The following AKIRIN2 variants were observed in gnomAD, a reference collection of about 807,000 sequenced individuals.
AKIRIN2 encodes the protein akirin 2.
In AKIRIN2, 6 loss-of-function variants were observed where a neutral mutation model predicts 29.3. The observed-to-expected ratio is 0.20, with a 90% CI of 0.11 to 0.40. AKIRIN2 has a LOEUF of 0.40. AKIRIN2 is among the 10% of genes least tolerant of loss of function. AKIRIN2 has a pLI of 1.00. For missense variants in AKIRIN2, 210 were observed against 276.1 expected (o/e 0.76, Z 1.70); for synonymous variants, 128 against 117.5 (o/e 1.09, Z -0.58).
At position 87,702,147 on chromosome 6, in the gene AKIRIN2, G is replaced by A; in HGVS notation, c.-463C>T. On this transcript the variant is annotated 5_prime_UTR_variant, in exon 1 of 5. Transcript: ENST00000257787. Reference sequence around the variant, plus strand: ...GTACGGTCAGTAGCTTGCGAGCGGCGATCGATGCAGAGAGATTGCGAGGTA... The same window carrying A: ...GTACGGTCAGTAGCTTGCGAGCGGCAATCGATGCAGAGAGATTGCGAGGTA... The A allele has an allele frequency of 2.5e-6, 1 of 398,810 alleles. No individual in the cohort carries two copies. The highest frequency in any genetic ancestry group is 4.4e-6 in the Non-Finnish European group (1 of 226,082). 24.7% of individuals were successfully genotyped at this position (398,810 alleles called of 1,614,324 possible). A position where few individuals can be genotyped will look rare whatever the true frequency, so the allele number is the denominator to read the frequency against.
intron 1 of AKIRIN2, among the ~76,000 whole-genome samples, chr6:87,686,259 C>A (rs572167429): frequency 6.6e-6 from 1 of 152,014 alleles, no homozygotes; most frequent in Non-Finnish European, 1.5e-5. Flanking sequence ...GAAAAGGCCT[C>A]TTTTTAGTTG....
intron 2 of AKIRIN2, 28 bp downstream of exon 2, chr6:87,681,592 C>G (rs752307157): frequency 6.3e-7 from 1 of 1,587,930 alleles, no homozygotes; most frequent in African/African-American, 1.4e-5. Flanking sequence ...AAATAATAAA[C>G]TTTGTAAATG....
chr6:87,691,165 T>C (rs1192414457), intron 1 of AKIRIN2, among the ~76,000 whole-genome samples: 1 of 151,758 alleles, frequency 6.6e-6, no homozygotes, highest in Non-Finnish European at 1.5e-5. Flanking sequence ...CAAATTAGGC[T>C]GGGCGTGGTG....
intron 1 of AKIRIN2, among the ~76,000 whole-genome samples, chr6:87,688,163 G>A (rs1010405299): frequency 6.6e-6 from 1 of 151,928 alleles, no homozygotes; most frequent in African/African-American, 2.4e-5. Flanking sequence ...ACAGAGTCTC[G>A]CTCTGTCGCC....
In AKIRIN2 at chr6:87,701,942, C is replaced by G. The variant is rs996709849; in HGVS notation, c.-258G>C. 2.5e-6 allele frequency: 1 copy of G among 405,528 alleles called. No homozygotes were observed. The allele number at this position is 405,528 out of a possible 1,614,324, so 25.1% of individuals were successfully genotyped here. On this transcript the variant is annotated 5_prime_UTR_variant, in exon 1 of 5. Coordinates refer to ENST00000257787, the MANE Select transcript of AKIRIN2 (RefSeq NM_018064.4). ...GGGCAGAAGCACACGCCAGTCGCGT[C>G]AGGGGGGTTCTTCCGCCTCCTCAGG...
At chr6:87,682,529 T>TA (rs1438194502) in intron 1 of AKIRIN2, among the ~76,000 whole-genome samples, 2 of 152,270 alleles carry the variant, frequency 1.3e-5, no homozygotes, top group Admixed American at 1.3e-4. Flanking sequence ...GAAAGATTTC[T>TA]AACTCAAAAT....
chr6:87,680,325 A>G (rs1771097889), intron 2 of AKIRIN2, among the ~76,000 whole-genome samples: 2 of 126,156 alleles, frequency 1.6e-5, no homozygotes, highest in African/African-American at 6.2e-5. Context: ...TCTGTCACCC[A>G]GGTTGGAGTG....
intron 3 of AKIRIN2, among the ~76,000 whole-genome samples, chr6:87,677,098 T>C: frequency 6.8e-6 from 1 of 147,548 alleles, no homozygotes; most frequent in Non-Finnish European, 1.5e-5. Context: ...AAAAAAAAAA[T>C]TAAAAACAAA....
At position 87,693,743 on chromosome 6, in the gene AKIRIN2, G is replaced by C. The variant is rs983657666; in HGVS notation, c.235+7707C>G. Among the ~76,000 whole-genome samples the C allele has an allele frequency of 2.3e-5, 3 of 133,314 alleles. No individual in the cohort carries two copies. In the South Asian group the frequency reaches 7.0e-4, roughly 31 times the overall value. 87.5% of individuals were successfully genotyped at this position (133,314 alleles called of 152,430 possible). Reference sequence around the variant, plus strand: ...CTGTCTCAAAAAAAAAAAAAAAAAAGTGAAGAATTATTCCAAGTTGATAGG... The same window carrying C: ...CTGTCTCAAAAAAAAAAAAAAAAAACTGAAGAATTATTCCAAGTTGATAGG... On this transcript the variant is annotated intron_variant, in intron 1 of 4. Coordinates refer to ENST00000257787, the MANE Select transcript of AKIRIN2 (RefSeq NM_018064.4).
At position 87,677,737 on chromosome 6, in the gene AKIRIN2, G is replaced by A; in HGVS notation, c.529+81C>T. The A allele has an allele frequency of 1.2e-5, 18 of 1,485,380 alleles. 1 individual carries two copies. In the South Asian group the frequency reaches 2.3e-4, roughly 19 times the overall value. The allele number at this position is 1,485,380 out of a possible 1,614,324, so 92.0% of individuals were successfully genotyped here. ...AGAGAATATACCGCACCAGTGTATA[G>A]AAAGTGAAATTAAAGTACACGTGGA... is the stretch of plus-strand genomic sequence containing the variant. On this transcript the variant is annotated intron_variant, in intron 3 of 4. Transcript: ENST00000257787.
chr6:87,691,937 T>A (rs1771283672), intron 1 of AKIRIN2, among the ~76,000 whole-genome samples: 1 of 152,228 alleles, frequency 6.6e-6, no homozygotes, highest in Non-Finnish European at 1.5e-5. Flanking sequence ...AAAATGAGTA[T>A]GTTTTGTTCT....
chr6:87,678,490 G>A (rs1689203671), intron 2 of AKIRIN2, among the ~76,000 whole-genome samples: 1 of 151,754 alleles, frequency 6.6e-6, no homozygotes, highest in African/African-American at 2.4e-5. Context: ...CAAAGAGAGT[G>A]AAACTCCATC....
chr6:87,689,073 T>C (rs1377272890), intron 1 of AKIRIN2, among the ~76,000 whole-genome samples: 1 of 152,164 alleles, frequency 6.6e-6, no homozygotes, highest in East Asian at 1.9e-4. Flanking sequence ...AAATATTATA[T>C]AAGTATAAAT....
Position 87,701,498 on chromosome 6 carries a change from G to A in AKIRIN2, c.187C>T (p.Arg63Ter), listed in dbSNP as rs1209007442. The change falls in exon 1 of 5, where the codon CGA becomes TGA. Residue 63 changes from arginine to a stop codon, truncating the protein, a stop_gained. Coordinates refer to ENST00000257787, the MANE Select transcript of AKIRIN2 (RefSeq NM_018064.4). LOFTEE classifies it high-confidence loss of function. ...AAAASPQKYLRMEPSPFGDVS... is the reference protein window; with the variant it reads ...AAAASPQKYL The stretch of plus-strand genomic sequence containing the variant: ...TCGCCGAAGGGGGATGGCTCCATTC[G>A]GAGATACTTCTGCGGCGAGGCGGCC... The A allele has an allele frequency of 2.0e-6, 3 of 1,487,838 alleles. No homozygotes were observed. The highest frequency in any genetic ancestry group is 2.6e-5 in the Admixed American group (1 of 39,152). The allele number at this position is 1,487,838 out of a possible 1,614,324, so 92.2% of individuals were successfully genotyped here.
chr6:87,681,609 A>C lies in AKIRIN2; in HGVS notation c.379+11T>G. The C allele has an allele frequency of 6.3e-7, 1 of 1,594,378 alleles. No homozygotes were observed. The highest frequency in any genetic ancestry group is 1.2e-5 in the South Asian group (1 of 86,922). On this transcript the variant is annotated intron_variant, in intron 2 of 4. Transcript: ENST00000257787. Reference sequence around the variant, plus strand: ...ATAATAAACTTTGTAAATGACAAGAAATGTTATTACCTGGTGAAGCTGGTC... The same window carrying C: ...ATAATAAACTTTGTAAATGACAAGACATGTTATTACCTGGTGAAGCTGGTC...
intron 1 of AKIRIN2, among the ~76,000 whole-genome samples, chr6:87,692,006 G>A (rs140514345): frequency 6.6e-6 from 1 of 152,212 alleles, no homozygotes; most frequent in Admixed American, 6.5e-5. Context: ...ATCCAATTGA[G>A]AGAAGAAATG....
chr6:87,675,972 C>T lies in AKIRIN2; in HGVS notation c.530-41G>A, dbSNP rs1252127788. ...CTTGTCAATTACATTTGTAAAATGCCTTATTAGAGCCAGATAAACTGAAAA... is the reference window on the plus strand; with the variant it reads ...CTTGTCAATTACATTTGTAAAATGCTTTATTAGAGCCAGATAAACTGAAAA... On this transcript the variant is annotated intron_variant, in intron 3 of 4. Transcript: ENST00000257787. 3 of 1,534,236 alleles carry T rather than the reference C, an allele frequency of 2.0e-6. No homozygotes were observed. In the East Asian group the frequency reaches 6.7e-5, roughly 35 times the overall value.
intron 1 of AKIRIN2, among the ~76,000 whole-genome samples, chr6:87,683,791 C>G (rs1042275184): frequency 1.3e-5 from 2 of 152,110 alleles, no homozygotes; most frequent in African/African-American, 4.8e-5. Context: ...GTAGCTGGGA[C>G]TATAGGCTCG....
intron 1 of AKIRIN2, among the ~76,000 whole-genome samples, chr6:87,685,159 C>T (rs1582120087): frequency 6.6e-6 from 1 of 152,178 alleles, no homozygotes; most frequent in East Asian, 1.9e-4. Flanking sequence ...ATACTGGTAA[C>T]ATGTGATCAA....
Sources: allele counts gnomAD v4.1 joint callset (sites outside exome capture counted in the v4.1 genomes callset), GRCh38; gene constraint gnomAD v4.1.1; transcripts MANE v1.5; gene names NCBI Gene and HGNC (gene_info 2026-07-23, HGNC 2026-07-21).